The following TGIF1 variants were observed in gnomAD, a reference collection of about 807,000 sequenced individuals.
TGIF1 encodes TGFB induced factor homeobox 1, also known as homeobox protein TGIF1.
Under a neutral mutation model 19.3 loss-of-function variants are expected in TGIF1, and 4 were observed. That is an observed-to-expected ratio of 0.21 (90% CI 0.10 to 0.47). The LOEUF is 0.47. TGIF1 is among the 20% of genes least tolerant of loss of function. TGIF1 has a pLI of 0.98. For synonymous variants in TGIF1, 122 were observed against 129.3 expected (o/e 0.94, Z 0.38); for missense variants, 275 against 341.4 (o/e 0.81, Z 1.53).
intron 1 of TGIF1, among the ~76,000 whole-genome samples, chr18:3,454,312 CTT>C (rs1285768269): frequency 6.6e-6 from 1 of 152,090 alleles, no homozygotes; most frequent in African/African-American, 2.4e-5. Context: ...GTTTCAAACT[CTT>C]TGTGATTACC....
rs181028392 is a variant in TGIF1, at chr18:3,427,746, A to G, written c.-45+9531A>G. Among the ~76,000 whole-genome samples the G allele has an allele frequency of 2.1e-3, 321 of 151,440 alleles. 4 individuals are homozygous for G. The South Asian group carries it at 0.028, about 13-fold the overall frequency. The stretch of plus-strand genomic sequence containing the variant: ...ACCCGAGTAACTGGGATTACAGGCA[A>G]CTGCCACCACACCTGGCTAATTTTT... On this transcript the variant is annotated intron_variant, in intron 2 of 3. Transcript: ENST00000401449.
At chr18:3,447,732 G>C (rs1430715866), upstream of TGIF1, 1 of 1,614,160 alleles carries the variant, frequency 6.2e-7, no homozygotes, top group South Asian at 1.1e-5. Flanking sequence ...TTTAACAACC[G>C]TTTGGATATG....
rs554975624 is a variant in TGIF1 at position 3,412,456 on chromosome 18, T to C, written c.-118+202T>C. Among the ~76,000 whole-genome samples, 3 of 152,314 alleles carry C rather than the reference T, an allele frequency of 2.0e-5. 1 individual carries two copies. In the South Asian group the frequency reaches 6.2e-4, roughly 32 times the overall value. On this transcript the variant is annotated intron_variant, in intron 1 of 3. Transcript: ENST00000401449. ...TATCAATGAGAAGAAATGGAAATAT[T>C]GTAACAAGATTAAATCTAGCCTTTC... is the stretch of plus-strand genomic sequence containing the variant.
intron 2 of TGIF1, among the ~76,000 whole-genome samples, chr18:3,424,564 G>C (rs773142498): frequency 1.3e-4 from 18 of 141,614 alleles, no homozygotes; most frequent in Non-Finnish European, 1.7e-4. Context: ...GAATCTCCTT[G>C]TGTGCTAATG....
intron 2 of TGIF1, among the ~76,000 whole-genome samples, chr18:3,426,117 A>C (rs898963539): frequency 6.6e-6 from 1 of 150,848 alleles, no homozygotes; most frequent in Admixed American, 6.6e-5. Flanking sequence ...ATTTCCTGAG[A>C]CACACTAAGA....
chr18:3,432,831 C>T (rs867996897), intron 2 of TGIF1, among the ~76,000 whole-genome samples: 1 of 151,574 alleles, frequency 6.6e-6, no homozygotes, highest in African/African-American at 2.4e-5. Context: ...GTGATCTCGG[C>T]TCACCACAAC....
At chr18:3,438,596 A>ACACACACACACACACACACACACAC (rs1555647866) in intron 2 of TGIF1, among the ~76,000 whole-genome samples, 1 of 136,002 alleles carries the variant, frequency 7.4e-6, no homozygotes, top group East Asian at 2.2e-4. Context: ...CATACACACA[A>ACACACACACACACACACACACACAC]ACACACACAC....
At chr18:3,449,163 C>T (rs2082817942), upstream of TGIF1, among the ~76,000 whole-genome samples, 1 of 152,126 alleles carries the variant, frequency 6.6e-6, no homozygotes, top group African/African-American at 2.4e-5. Context: ...TAACTGTGGA[C>T]CAAAATAAGC....
chr18:3,449,356 C>A (rs546540795), upstream of TGIF1: 433 of 984,572 alleles, frequency 4.4e-4, 2 homozygotes, highest in African/African-American at 7.2e-3. Flanking sequence ...GGGTGTCAGG[C>A]GGAGTCTTGG....
At chr18:3,427,625 G>T (rs1419865676) in intron 2 of TGIF1, among the ~76,000 whole-genome samples, 5 of 149,274 alleles carry the variant, frequency 3.3e-5, no homozygotes, top group African/African-American at 4.9e-5. Context: ...TTTGAGACGG[G>T]GTTTCCCTCT....
chr18:3,444,286 C>CTTTTTTT (rs57205118), intron 2 of TGIF1, among the ~76,000 whole-genome samples: 1 of 122,226 alleles, frequency 8.2e-6, no homozygotes, highest in Non-Finnish European at 1.6e-5. Flanking sequence ...ACTTTCTTTT[C>CTTTTTTT]TTTTTTTTTT....
In TGIF1 at chr18:3,451,382, C is replaced by G; in HGVS notation, c.16+877C>G. 2.0e-6 allele frequency: 2 copies of G among 981,116 alleles called. No individual in the cohort carries two copies. Among genetic ancestry groups the G allele is most frequent in the Non-Finnish European group, 2.4e-6 (2 of 829,616 alleles). 60.8% of individuals were successfully genotyped at this position (981,116 alleles called of 1,614,324 possible). On this transcript the variant is annotated intron_variant, in intron 1 of 2. Coordinates refer to ENST00000343820, the MANE Select transcript of TGIF1 (RefSeq NM_003244.4). The surrounding 1 kb of genome is among the most constrained non-coding windows in gnomAD (Gnocchi z 5.4). The stretch of plus-strand genomic sequence containing the variant: ...GGTGGAGAAACCACACAAAACACCC[C>G]GAAAGGTCAGAGTGTGAAGTCCCTT...
At chr18:3,439,259 T>A (rs551033937) in intron 2 of TGIF1, among the ~76,000 whole-genome samples, 1 of 152,128 alleles carries the variant, frequency 6.6e-6, no homozygotes, top group Non-Finnish European at 1.5e-5. Flanking sequence ...ATATTTAAAA[T>A]TTTCCATAAT....
upstream of TGIF1, chr18:3,449,412 G>A (rs1250966666): frequency 2.0e-6 from 2 of 985,436 alleles, no homozygotes; most frequent in Admixed American, 6.1e-5. Flanking sequence ...GACGTTTAAA[G>A]AGCATGTGAG....
intron 1 of TGIF1, chr18:3,417,998 A>G: frequency 6.6e-6 from 1 of 152,186 alleles, no homozygotes; most frequent in Middle Eastern, 3.4e-3. Context: ...CAGAGATACA[A>G]AAAATATAGG....
intron 2 of TGIF1, among the ~76,000 whole-genome samples, chr18:3,434,564 A>G (rs2082591833): frequency 6.6e-6 from 1 of 151,700 alleles, no homozygotes; most frequent in African/African-American, 2.4e-5. Context: ...AAATAAAAAA[A>G]ATTAGCCAGG....
chr18:3,453,064 GTTC>G lies in TGIF1; in HGVS notation c.16+2560_16+2562del, dbSNP rs1417236224. ...ATACCTTGGATTTGGTGGCTTGAGT[GTTC>G]AATGCCTGTTGCTTCTCCCAAGGAG... is the stretch of plus-strand genomic sequence containing the variant. On this transcript the variant is annotated intron_variant, in intron 1 of 2. Transcript: ENST00000343820. Among the ~76,000 whole-genome samples, 4 of 152,064 alleles carry G rather than the reference GTTC, an allele frequency of 2.6e-5. No individual in the cohort carries two copies. The South Asian group carries it at 8.3e-4, about 32-fold the overall frequency.
rs142757232 is a variant in TGIF1, at chr18:3,431,212, C to T, written c.-45+12997C>T. Reference sequence around the variant, plus strand: ...CTTTAATCCCAGCACTTCGGGAGGCCGAGGCAGGCGGATAACCTGAGGTCA... The same window carrying T: ...CTTTAATCCCAGCACTTCGGGAGGCTGAGGCAGGCGGATAACCTGAGGTCA... On this transcript the variant is annotated intron_variant, in intron 2 of 3. Coordinates refer to the TGIF1 transcript ENST00000401449. 3.1e-3 allele frequency among the ~76,000 whole-genome samples: 467 copies of T among 152,190 alleles called. 4 individuals carry two copies. The highest frequency in any genetic ancestry group is 0.011 in the African/African-American group (442 of 41,546).
chr18:3,452,056 A>G (rs2082964517), intron 1 of TGIF1: 1 of 1,613,448 alleles, frequency 6.2e-7, no homozygotes, highest in African/African-American at 1.3e-5. Flanking sequence ...GGCGGCTCTG[A>G]TTCCTTTCCA....
Sources: allele counts gnomAD v4.1 joint callset (sites outside exome capture counted in the v4.1 genomes callset), GRCh38; gene constraint gnomAD v4.1.1; non-coding constraint Gnocchi (gnomAD v3.1); transcripts MANE v1.5; gene names NCBI Gene and HGNC (gene_info 2026-07-23, HGNC 2026-07-21).